The following EMSY variants were observed in gnomAD, a reference collection of about 807,000 sequenced individuals.
EMSY encodes EMSY transcriptional repressor, BRCA2 interacting.
Under a neutral mutation model 134.6 loss-of-function variants are expected in EMSY, and 26 were observed. The observed-to-expected ratio is 0.19, with a 90% CI of 0.14 to 0.27. The LOEUF (loss-of-function observed/expected upper bound fraction) is 0.27, where lower values mean the gene tolerates loss of function less well. EMSY is among the 10% of genes least tolerant of loss of function. EMSY has a pLI of 1.00. For synonymous variants in EMSY, 579 were observed against 577.8 expected, an observed-to-expected ratio of 1.00 and a Z score of -0.03; for missense variants, 1,305 against 1,611.4, an observed-to-expected ratio of 0.81 and a Z score of 3.26.
intron 11 of EMSY, among the ~76,000 whole-genome samples, chr11:76,520,209 G>T (rs1235780598): frequency 6.6e-6 from 1 of 151,770 alleles, no homozygotes; most frequent in Admixed American, 6.6e-5. Flanking sequence ...TTTTCCTTAT[G>T]CTATTCCTTT....
At chr11:76,550,447 A>G in exon 21 of EMSY, 1 of 217,054 alleles carries the variant, frequency 4.6e-6, no homozygotes, top group Non-Finnish European at 9.0e-6. Flanking sequence ...TTTGTCTTGC[A>G]GTGGAAAGAG....
chr11:76,446,971 C>A (rs1310543599), exon 2 of EMSY: 2 of 1,613,658 alleles, frequency 1.2e-6, no homozygotes, highest in African/African-American at 2.7e-5. Context: ...TTCTGGATCT[C>A]AGCAGGGATG....
intron 8 of EMSY, among the ~76,000 whole-genome samples, chr11:76,494,146 G>A (rs1016409703): frequency 1.3e-5 from 2 of 152,258 alleles, no homozygotes; most frequent in Non-Finnish European, 2.9e-5. Flanking sequence ...GCAGCAGCTG[G>A]CATCTGTGCC....
intron 20 of EMSY, among the ~76,000 whole-genome samples, chr11:76,548,602 G>A (rs968175186): frequency 6.6e-6 from 1 of 152,150 alleles, no homozygotes; most frequent in Non-Finnish European, 1.5e-5. Flanking sequence ...GAAGTAGAGT[G>A]ACTTACTCAG....
intron 18 of EMSY, among the ~76,000 whole-genome samples, chr11:76,542,753 G>GTTTTTTTTTTTTTTTTTTTTT (rs1555077830): frequency 9.2e-6 from 1 of 109,246 alleles, no homozygotes; most frequent in Non-Finnish European, 1.9e-5. Flanking sequence ...TTCGTTTTTT[G>GTTTTTTTTTTTTTTTTTTTTT]TTTTTTTTTT....
At chr11:76,509,992 A>G (rs1427119483) in intron 9 of EMSY, among the ~76,000 whole-genome samples, 2 of 152,186 alleles carry the variant, frequency 1.3e-5, no homozygotes. Flanking sequence ...TCAGGAGTTC[A>G]AGGTTACAGT....
intron 8 of EMSY, among the ~76,000 whole-genome samples, chr11:76,494,978 C>T (rs552353318): frequency 3.3e-5 from 5 of 152,278 alleles, no homozygotes; most frequent in South Asian, 2.1e-4. Flanking sequence ...TCAGGTGATA[C>T]GCCTGCCTCA....
intron 10 of EMSY, among the ~76,000 whole-genome samples, chr11:76,514,796 C>G (rs750973893): frequency 6.6e-6 from 1 of 152,120 alleles, no homozygotes; most frequent in Non-Finnish European, 1.5e-5. Context: ...TACCTTCTGT[C>G]TCTATGCAAA....
intron 11 of EMSY, chr11:76,516,827 A>T (rs925363568): frequency 2.6e-5 from 4 of 152,168 alleles, no homozygotes; most frequent in African/African-American, 9.7e-5. Flanking sequence ...AAAAATAAAA[A>T]TATTTGAATA....
At chr11:76,542,433 A>T in intron 18 of EMSY, 66 bp downstream of exon 19, 1 of 1,542,768 alleles carries the variant, frequency 6.5e-7, no homozygotes, top group Admixed American at 1.7e-5. Flanking sequence ...ATTCAGTGTC[A>T]TCTTGTATTT....
intron 9 of EMSY, among the ~76,000 whole-genome samples, chr11:76,502,193 C>T (rs12278620): frequency 7.0e-6 from 1 of 143,414 alleles, no homozygotes; most frequent in Middle Eastern, 3.7e-3. Context: ...AAAAGAAGTT[C>T]TATGAATAGA....
intron 8 of EMSY, among the ~76,000 whole-genome samples, chr11:76,494,653 T>C (rs192421589): frequency 0.066 from 81 of 1,232 alleles, no homozygotes; most frequent in South Asian, 0.27. Flanking sequence ...TCCTTTCCCT[T>C]CCTTCCTTCC....
chr11:76,529,994 A>G (rs1950976508), intron 14 of EMSY, among the ~76,000 whole-genome samples: 1 of 152,168 alleles, frequency 6.6e-6, no homozygotes, highest in Non-Finnish European at 1.5e-5. Flanking sequence ...AGGGCAGATA[A>G]AATGTTTAGT....
At chr11:76,516,078 G>A (rs541669137) in intron 10 of EMSY, 64 bp from the exon 12 acceptor site, 5 of 1,386,762 alleles carry the variant, frequency 3.6e-6, no homozygotes, top group Non-Finnish European at 3.0e-6. Flanking sequence ...CAGTTAAACT[G>A]TATTAATTAT....
rs752817887 is a variant in EMSY, at chr11:76,544,246, CT to C, written c.2710-7del. ...TTCTTATTTCATTCTTACTTTGTGC[CT>C]TTTTTACTTAGGCATTAAGCAGTCA... On this transcript the variant is annotated splice_polypyrimidine_tract_variant and intron_variant, in intron 18 of 20. Transcript: ENST00000334736. 2 of 1,587,446 alleles carry C rather than the reference CT, an allele frequency of 1.3e-6. No homozygotes were observed. Among genetic ancestry groups the C allele is most frequent in the Non-Finnish European group, 1.7e-6 (2 of 1,163,654 alleles).
intron 4 of EMSY, among the ~76,000 whole-genome samples, chr11:76,455,298 A>G (rs921315805): frequency 1.3e-5 from 2 of 151,828 alleles, no homozygotes; most frequent in Non-Finnish European, 2.9e-5. Flanking sequence ...GTTTTTCTAT[A>G]TTCTTGTTTT....
chr11:76,550,204 C>A, exon 21 of EMSY: 1 of 1,387,172 alleles, frequency 7.2e-7, no homozygotes, highest in Admixed American at 2.6e-5. Context: ...TCCAGGGAAA[C>A]CCTTGTATTT....
exon 20 of EMSY, chr11:76,545,932 C>A (rs527760475): frequency 8.7e-6 from 14 of 1,614,200 alleles, no homozygotes; most frequent in Admixed American, 8.3e-5. Context: ...AAGCATATCT[C>A]CCATTCAGGC....
rs777408388 is a variant in EMSY, at chr11:76,536,069, C to T, written c.2359+10C>T. 6.6e-7 allele frequency: 1 copy of T among 1,508,988 alleles called. No homozygotes were observed. The highest frequency in any genetic ancestry group is 8.9e-7 in the Non-Finnish European group (1 of 1,123,222). 93.5% of individuals were successfully genotyped at this position (1,508,988 alleles called of 1,614,324 possible). On this transcript the variant is annotated intron_variant, in intron 15 of 20. Transcript: ENST00000334736. ...CTCCAACAGACAACAGGTATGAATT[C>T]ACATGCTCAATTGAATGAAGCATGT...
Sources: gnomAD v4.1 joint callset for allele counts (sites outside exome capture counted in the v4.1 genomes callset) on GRCh38, gnomAD v4.1.1 for gene constraint, MANE v1.5 for transcripts, NCBI Gene and HGNC (gene_info 2026-07-23, HGNC 2026-07-21) for gene names.